DOCK2: variants seen among roughly 807,000 people sequenced by gnomAD.
DOCK2 encodes dedicator of cytokinesis protein 2.
A neutral mutation model predicts 248.9 loss-of-function variants in DOCK2; 87 were observed. That is an observed-to-expected ratio of 0.35 (90% CI 0.29 to 0.42). DOCK2 has a LOEUF of 0.42. Ranked by LOEUF, DOCK2 falls within the 10% of genes least tolerant of loss-of-function variation. The pLI, the probability that DOCK2 is intolerant of heterozygous loss-of-function variation, is 1.00. For missense variants in DOCK2, 1,747 were observed against 2,300.2 expected, an observed-to-expected ratio of 0.76 and a Z score of 4.92; for synonymous variants, 805 against 821.6, an observed-to-expected ratio of 0.98 and a Z score of 0.35.
At chr5:169,867,200 G>T (rs1771619316) in intron 27 of DOCK2, among the ~76,000 whole-genome samples, 1 of 152,202 alleles carries the variant, frequency 6.6e-6, no homozygotes, top group South Asian at 2.1e-4. Flanking sequence ...CCAGGGTATG[G>T]GCAGGACCCA....
chr5:169,880,146 G>A (rs984204237), intron 27 of DOCK2, among the ~76,000 whole-genome samples: 2 of 152,142 alleles, frequency 1.3e-5, no homozygotes, highest in Admixed American at 1.3e-4. Context: ...GGGCTCTTCC[G>A]GGGCCCTCTT....
chr5:169,863,700 T>C (rs1771349816), intron 27 of DOCK2, among the ~76,000 whole-genome samples: 1 of 152,172 alleles, frequency 6.6e-6, no homozygotes, highest in Non-Finnish European at 1.5e-5. Flanking sequence ...AGGGGCTAAT[T>C]AAAAAGGAAA....
At chr5:169,713,681 A>G (rs1469637018) in intron 17 of DOCK2, among the ~76,000 whole-genome samples, 1 of 152,230 alleles carries the variant, frequency 6.6e-6, no homozygotes, top group Admixed American at 6.5e-5. Flanking sequence ...TCTTTAAGCT[A>G]GAGTCCTTAT....
At chr5:169,700,319 A>C (rs529366238) in intron 13 of DOCK2, among the ~76,000 whole-genome samples, 180 bp downstream of exon 13, 2 of 152,358 alleles carry the variant, frequency 1.3e-5, no homozygotes, top group Admixed American at 1.3e-4. Context: ...GCATTAACAA[A>C]ATAGACACAA....
At chr5:170,076,712 C>A (rs1285532143) in intron 47 of DOCK2, among the ~76,000 whole-genome samples, 1 of 152,216 alleles carries the variant, frequency 6.6e-6, no homozygotes, top group East Asian at 1.9e-4. Context: ...TCCCATTTTA[C>A]AGATGGTAAA....
intron 14 of DOCK2, chr5:169,703,847 GAAGTTAC>G (rs1411540207): frequency 1.3e-5 from 2 of 152,200 alleles, no homozygotes; most frequent in Non-Finnish European, 2.9e-5. Context: ...CCATTGCTTT[GAAGTTAC>G]TTTTATCCAA....
At chr5:169,860,948 G>A (rs927230015) in intron 27 of DOCK2, among the ~76,000 whole-genome samples, 1 of 152,042 alleles carries the variant, frequency 6.6e-6, no homozygotes, top group African/African-American at 2.4e-5. Flanking sequence ...TCACATTGGC[G>A]ATATAAATTT....
chr5:169,846,597 T>C (rs550126281), intron 27 of DOCK2, among the ~76,000 whole-genome samples: 22 of 105,050 alleles, frequency 2.1e-4, no homozygotes, highest in South Asian at 5.9e-4. Flanking sequence ...TATATATATA[T>C]ACACACACAT....
intron 26 of DOCK2, among the ~76,000 whole-genome samples, chr5:169,814,172 T>G (rs1767922086): frequency 6.6e-6 from 1 of 152,228 alleles, no homozygotes; most frequent in South Asian, 2.1e-4. Context: ...TGGAGACAAC[T>G]GATAGACCTT....
rs1758048999 is a variant in DOCK2 at position 170,081,917 on chromosome 5, T to G, written c.5363T>G (p.Leu1788Arg). ...NTSPRLSQTF[L>R]QLSDGDKKTL... ...TCTCCCCGCCTCAGCCAGACCTTCC[T>G]CCAACTCTCAGATGGTGACAAGAAG... The change falls in exon 51 of 52, where the codon CTC (leucine) becomes CGC (arginine). Residue 1788 changes from leucine (L) to arginine (R), a missense_variant. By Grantham distance (102) the Leu-to-Arg change is moderately radical. This residue lies in a region of DOCK2 where 513 missense variants were observed against 586.1 expected (regional missense o/e 0.88). Coordinates refer to ENST00000520908, the MANE Select transcript of DOCK2 (RefSeq NM_004946.3). The G allele has an allele frequency of 6.2e-7, 1 of 1,614,076 alleles. No individual in the cohort carries two copies.
chr5:170,056,490 C>T (rs962887127), intron 42 of DOCK2, 194 bp from the exon 43 acceptor site: 6 of 522,310 alleles, frequency 1.1e-5, no homozygotes, highest in African/African-American at 9.7e-5. Context: ...TTCTAAATTG[C>T]CTTGTCAGGA....
chr5:170,075,119 G>A (rs1366335157), intron 46 of DOCK2, among the ~76,000 whole-genome samples: 1 of 152,124 alleles, frequency 6.6e-6, no homozygotes, highest in Non-Finnish European at 1.5e-5. Context: ...ATATCTTTAT[G>A]TCACCATCAT....
chr5:169,656,764 T>C (rs1430850719), intron 2 of DOCK2, among the ~76,000 whole-genome samples: 2 of 152,208 alleles, frequency 1.3e-5, no homozygotes, highest in Admixed American at 6.5e-5. Flanking sequence ...TTTCCCTGAA[T>C]AGAAAGCTTG....
chr5:169,983,179 G>A lies in DOCK2; in HGVS notation c.2898+13G>A. The A allele has an allele frequency of 1.9e-6, 3 of 1,613,708 alleles. No homozygotes were observed. The highest frequency in any genetic ancestry group is 2.5e-6 in the Non-Finnish European group (3 of 1,179,620). On this transcript the variant is annotated intron_variant, in intron 28 of 51. Coordinates refer to ENST00000520908, the MANE Select transcript of DOCK2 (RefSeq NM_004946.3). ...CTCTGAACTTGTGGTGAGTCTGCAGGATGCTGGGGGTGAGGAAGAACTCTT... is the reference window on the plus strand; with the variant it reads ...CTCTGAACTTGTGGTGAGTCTGCAGAATGCTGGGGGTGAGGAAGAACTCTT...
intron 27 of DOCK2, among the ~76,000 whole-genome samples, chr5:169,877,012 C>A (rs556228286): frequency 1.6e-4 from 25 of 152,322 alleles, no homozygotes; most frequent in Non-Finnish European, 2.9e-4. Flanking sequence ...AGTGACCTAG[C>A]AGATGAGGGC....
chr5:169,870,780 C>G (rs1445128566), intron 27 of DOCK2, among the ~76,000 whole-genome samples: 1 of 151,824 alleles, frequency 6.6e-6, no homozygotes, highest in Non-Finnish European at 1.5e-5. Context: ...AGGTTGTTGC[C>G]CATTTAAACA....
At chr5:169,967,729 G>T (rs1777354839) in intron 27 of DOCK2, among the ~76,000 whole-genome samples, 1 of 152,200 alleles carries the variant, frequency 6.6e-6, no homozygotes, top group African/African-American at 2.4e-5. Flanking sequence ...CGTTTAGGAG[G>T]CTACTGCAAT....
intron 27 of DOCK2, among the ~76,000 whole-genome samples, chr5:169,910,254 T>A (rs1774519226): frequency 6.6e-6 from 1 of 152,184 alleles, no homozygotes; most frequent in Non-Finnish European, 1.5e-5. Context: ...AGTGGCCATC[T>A]GAGACAAACA....
At chr5:170,008,195 AAACAACAACAAC>A (rs570456552) in intron 30 of DOCK2, among the ~76,000 whole-genome samples, 2 of 134,526 alleles carry the variant, frequency 1.5e-5, no homozygotes, top group Admixed American at 7.2e-5. Flanking sequence ...ACAAGGACAA[AAACAACAACAAC>A]AACAACAACA....
Sources: allele counts gnomAD v4.1 joint callset (sites outside exome capture counted in the v4.1 genomes callset), GRCh38; gene constraint gnomAD v4.1.1; regional missense constraint gnomAD v4.1.1; transcripts MANE v1.5; gene names NCBI Gene and HGNC (gene_info 2026-07-23, HGNC 2026-07-21).